Variants in FSTL4 observed in about 807,000 individuals in gnomAD.
FSTL4 encodes follistatin like 4, also known as follistatin-related protein 4.
Under a neutral mutation model 78.2 loss-of-function variants are expected in FSTL4, and 28 were observed. The observed-to-expected ratio is 0.36, with a 90% CI of 0.27 to 0.49. The LOEUF (loss-of-function observed/expected upper bound fraction) is 0.49. FSTL4 is among the 20% of genes least tolerant of loss of function. FSTL4 has a pLI of 0.98. For synonymous variants in FSTL4, 422 were observed against 440.5 expected (o/e 0.96, Z 0.53); for missense variants, 922 against 1,084.9 (o/e 0.85, Z 2.11).
At chr5:133,323,476 C>T (rs566792717) in intron 4 of FSTL4, among the ~76,000 whole-genome samples, 6 of 152,332 alleles carry the variant, frequency 3.9e-5, no homozygotes, top group South Asian at 4.1e-4. Context: ...AATCAGTGCT[C>T]ATGGCTAAAC....
At chr5:133,581,966 G>A (rs908663876) in intron 2 of FSTL4, among the ~76,000 whole-genome samples, 1 of 152,230 alleles carries the variant, frequency 6.6e-6, no homozygotes, top group African/African-American at 2.4e-5. Context: ...TCTCCAATGA[G>A]GGTGCCCTGT....
chr5:133,475,371 G>T (rs753027502), intron 3 of FSTL4, among the ~76,000 whole-genome samples: 10 of 152,204 alleles, frequency 6.6e-5, no homozygotes, highest in Non-Finnish European at 1.0e-4. Context: ...GCGTCCGACC[G>T]TGGGAACGGG....
intron 4 of FSTL4, among the ~76,000 whole-genome samples, chr5:133,378,729 A>C (rs1755500346): frequency 6.6e-6 from 1 of 152,138 alleles, no homozygotes; most frequent in Non-Finnish European, 1.5e-5. Flanking sequence ...TATGATGTAT[A>C]TGGTAAACCC....
the FSTL4 span, among the ~76,000 whole-genome samples, chr5:133,652,625 A>T: frequency 6.6e-6 from 1 of 152,190 alleles, no homozygotes; most frequent in Non-Finnish European, 1.5e-5. Flanking sequence ...GAGAGCAGAC[A>T]TTGTATGATT....
chr5:133,759,689 G>T, the FSTL4 span, among the ~76,000 whole-genome samples: 1 of 152,110 alleles, frequency 6.6e-6, no homozygotes, highest in Non-Finnish European at 1.5e-5. Flanking sequence ...GTGGACCAAG[G>T]CACCCCAGGT....
At chr5:133,203,517 C>G (rs1023097758) in intron 14 of FSTL4, among the ~76,000 whole-genome samples, 1 of 152,158 alleles carries the variant, frequency 6.6e-6, no homozygotes, top group Non-Finnish European at 1.5e-5. Flanking sequence ...TGGAGTGATG[C>G]AAGCCATGAT....
chr5:133,535,228 CTG>C (rs1338144310), intron 3 of FSTL4, among the ~76,000 whole-genome samples: 1 of 152,204 alleles, frequency 6.6e-6, no homozygotes, highest in African/African-American at 2.4e-5. Context: ...GCCTTCAAAA[CTG>C]TGAGAACTGT....
the FSTL4 span, among the ~76,000 whole-genome samples, chr5:133,725,676 A>T: frequency 6.6e-6 from 1 of 152,162 alleles, no homozygotes. Context: ...TTTGAAAAGG[A>T]TGAAGCTCTA....
At chr5:133,798,788 C>G in the FSTL4 span, among the ~76,000 whole-genome samples, 4 of 152,124 alleles carry the variant, frequency 2.6e-5, no homozygotes, top group Non-Finnish European at 5.9e-5. Context: ...CCCATCACCC[C>G]CATGCCTACC....
At chr5:133,725,531 C>T in the FSTL4 span, among the ~76,000 whole-genome samples, 1 of 152,184 alleles carries the variant, frequency 6.6e-6, no homozygotes, top group African/African-American at 2.4e-5. Flanking sequence ...GACAATCAAC[C>T]TTCAAAGTCC....
intron 7 of FSTL4, among the ~76,000 whole-genome samples, chr5:133,237,644 C>T (rs73788005): frequency 0.052 from 7,937 of 152,198 alleles, 693 homozygotes; most frequent in African/African-American, 0.18. Flanking sequence ...GAACAAAGCG[C>T]ATATTGTTTT....
intron 11 of FSTL4, among the ~76,000 whole-genome samples, chr5:133,222,194 A>C (rs562686430): frequency 7.2e-5 from 11 of 152,114 alleles, no homozygotes; most frequent in African/African-American, 2.6e-4. Context: ...CTGCCACCAG[A>C]AGCAGCTGGA....
At chr5:133,349,830 C>T (rs563113293) in intron 4 of FSTL4, among the ~76,000 whole-genome samples, 17 of 140,276 alleles carry the variant, frequency 1.2e-4, no homozygotes, top group East Asian at 9.0e-4. Context: ...TGCTGCCATG[C>T]GACTGTAAAG....
At chr5:133,614,430 A>T (rs1561487636), upstream of FSTL4, among the ~76,000 whole-genome samples, 1 of 152,220 alleles carries the variant, frequency 6.6e-6, no homozygotes, top group Non-Finnish European at 1.5e-5. Flanking sequence ...AGAGAATGCT[A>T]ACATCTGAAG....
At chr5:133,701,509 A>ACCCACACCCCCC in the FSTL4 span, among the ~76,000 whole-genome samples, 1 of 132,624 alleles carries the variant, frequency 7.5e-6, no homozygotes, top group Non-Finnish European at 1.6e-5. Flanking sequence ...ACACACACAC[A>ACCCACACCCCCC]CCCCACAGGC....
the FSTL4 span, among the ~76,000 whole-genome samples, chr5:133,625,805 TATATATATATTCCATATATATATTCC>T: frequency 9.2e-5 from 1 of 10,898 alleles, no homozygotes; most frequent in African/African-American, 4.5e-4. Flanking sequence ...ATATATTCCA[TATATATATATTCCATATATATATTCC>T]ATATATATAT....
At chr5:133,821,688 T>C in the FSTL4 span, among the ~76,000 whole-genome samples, 1 of 152,132 alleles carries the variant, frequency 6.6e-6, no homozygotes, top group Non-Finnish European at 1.5e-5. Context: ...GGCGCAGGAC[T>C]GGATCCAACA....
At chr5:133,652,609 T>C in the FSTL4 span, among the ~76,000 whole-genome samples, 3 of 152,222 alleles carry the variant, frequency 2.0e-5, no homozygotes. Flanking sequence ...AATTCCATTG[T>C]GGTCTGAGAG....
At chr5:133,394,347 T>A (rs558089582) in intron 4 of FSTL4, among the ~76,000 whole-genome samples, 80 of 152,024 alleles carry the variant, frequency 5.3e-4, no homozygotes, top group Admixed American at 7.2e-4. Flanking sequence ...TGCGGGGAGG[T>A]GTGGAGGGAG....
Sources: gnomAD v4.1 joint callset for allele counts (sites outside exome capture counted in the v4.1 genomes callset) on GRCh38, gnomAD v4.1.1 for gene constraint, MANE v1.5 for transcripts, NCBI Gene and HGNC (gene_info 2026-07-23, HGNC 2026-07-21) for gene names.